CTNNA2: variants seen among roughly 807,000 people sequenced by gnomAD.
The protein encoded by CTNNA2 is catenin alpha-2.
CTNNA2 carries 42 observed loss-of-function variants against 101.0 expected under a neutral mutation model. That is an observed-to-expected ratio of 0.42 (90% confidence interval 0.32 to 0.54). The LOEUF (loss-of-function observed/expected upper bound fraction) is 0.54, where lower values mean the gene tolerates loss of function less well. CTNNA2 is among the 20% of genes least tolerant of loss of function. The pLI, the probability that CTNNA2 is intolerant of heterozygous loss-of-function variation, is 0.14. For missense variants in CTNNA2, 871 were observed against 1,223.1 expected (o/e 0.71, Z 4.29); for synonymous variants, 450 against 456.4 (o/e 0.99, Z 0.18).
At chr2:80,181,661 C>T (rs1168815301) in intron 7 of CTNNA2, among the ~76,000 whole-genome samples, 2 of 152,138 alleles carry the variant, frequency 1.3e-5, no homozygotes, top group South Asian at 2.1e-4. Flanking sequence ...TCATCATTTT[C>T]TTTCATCACT....
chr2:80,466,115 C>A (rs965658171), intron 9 of CTNNA2, among the ~76,000 whole-genome samples: 1 of 152,110 alleles, frequency 6.6e-6, no homozygotes, highest in Non-Finnish European at 1.5e-5. Context: ...TCCTCTGTAA[C>A]TTATATTGTA....
chr2:79,850,530 C>T (rs915699910), intron 3 of CTNNA2, among the ~76,000 whole-genome samples: 1 of 151,888 alleles, frequency 6.6e-6, no homozygotes, highest in Admixed American at 6.6e-5. Flanking sequence ...ACTCCTAATA[C>T]AGGTGCAGAC....
Position 80,033,023 on chromosome 2 carries a change from C to T in CTNNA2, c.1056+123226C>T, listed in dbSNP as rs578260107. Among the ~76,000 whole-genome samples the T allele has an allele frequency of 1.2e-4, 18 of 151,424 alleles. 1 individual carries two copies. Among genetic ancestry groups the T allele is most frequent in the Non-Finnish European group, 1.9e-4 (13 of 67,800 alleles). Reference sequence around the variant, plus strand: ...AAAATTAACTGGGCATGGTGGTGGGCGCCTGTAGTCCCAGATACTCAGGAG... The same window carrying T: ...AAAATTAACTGGGCATGGTGGTGGGTGCCTGTAGTCCCAGATACTCAGGAG... On this transcript the variant is annotated intron_variant, in intron 7 of 18. Coordinates refer to ENST00000402739, the MANE Select transcript of CTNNA2 (RefSeq NM_001282597.3).
intron 7 of CTNNA2, among the ~76,000 whole-genome samples, chr2:80,277,036 G>A (rs904018939): frequency 6.6e-6 from 1 of 152,130 alleles, no homozygotes; most frequent in Non-Finnish European, 1.5e-5. Context: ...AAAATTTGGA[G>A]GTTCTGACAA....
chr2:79,263,211 C>G (rs528394745), intron 2 of CTNNA2, among the ~76,000 whole-genome samples: 1 of 152,118 alleles, frequency 6.6e-6, no homozygotes, highest in South Asian at 2.1e-4. Context: ...AATCTCATGT[C>G]GAAATGTGAC....
intron 4 of CTNNA2, among the ~76,000 whole-genome samples, chr2:79,457,852 T>A (rs1670842399): frequency 1.3e-5 from 2 of 152,174 alleles, no homozygotes; most frequent in Non-Finnish European, 2.9e-5. Context: ...CTCCTTTTAC[T>A]CTCAACTAGC....
chr2:79,544,045 T>C (rs972065414), intron 1 of CTNNA2, among the ~76,000 whole-genome samples: 1 of 151,996 alleles, frequency 6.6e-6, no homozygotes, highest in Non-Finnish European at 1.5e-5. Flanking sequence ...TTCAAGAGAT[T>C]CTCTTGCCCA....
At chr2:80,630,162 T>C (rs1289965591) in intron 18 of CTNNA2, among the ~76,000 whole-genome samples, 1 of 152,196 alleles carries the variant, frequency 6.6e-6, no homozygotes, top group East Asian at 1.9e-4. Context: ...TATGTATTTC[T>C]ATTCCCAACG....
chr2:79,590,323 C>T (rs1676763471), intron 1 of CTNNA2, among the ~76,000 whole-genome samples: 1 of 152,042 alleles, frequency 6.6e-6, no homozygotes, highest in African/African-American at 2.4e-5. Flanking sequence ...GGGAATGAAA[C>T]AATTGTTATA....
intron 3 of CTNNA2, among the ~76,000 whole-genome samples, chr2:79,778,574 TA>T (rs1322913481): frequency 6.6e-6 from 1 of 152,108 alleles, no homozygotes; most frequent in Admixed American, 6.6e-5. Context: ...GCATAAAACA[TA>T]TACGTATATA....
chr2:79,428,609 CA>C (rs923165538), intron 4 of CTNNA2, among the ~76,000 whole-genome samples: 1 of 151,250 alleles, frequency 6.6e-6, no homozygotes, highest in South Asian at 2.1e-4. Context: ...AACAAAATAA[CA>C]AAAAAAAGAA....
At chr2:79,884,398 C>T (rs762474855) in intron 6 of CTNNA2, among the ~76,000 whole-genome samples, 9 of 152,124 alleles carry the variant, frequency 5.9e-5, no homozygotes, top group East Asian at 1.9e-4. Flanking sequence ...ATGCTAACCT[C>T]GGTTCCTCCC....
chr2:80,280,409 C>T (rs1053534578), intron 7 of CTNNA2, among the ~76,000 whole-genome samples: 6 of 151,500 alleles, frequency 4.0e-5, no homozygotes, highest in African/African-American at 1.5e-4. Context: ...ATAGGTAATA[C>T]AGCAAAAACA....
chr2:80,077,958 A>C (rs1698868889), intron 7 of CTNNA2, among the ~76,000 whole-genome samples: 2 of 152,198 alleles, frequency 1.3e-5, no homozygotes, highest in African/African-American at 2.4e-5. Flanking sequence ...AAACATAGTA[A>C]ATTTTTATGT....
chr2:80,434,368 G>A (rs7421761), intron 9 of CTNNA2, among the ~76,000 whole-genome samples: 20,840 of 152,052 alleles, frequency 0.14, 2,237 homozygotes, highest in East Asian at 0.58. Flanking sequence ...TATTCTGGTG[G>A]TGTACTTTTA....
intron 1 of CTNNA2, among the ~76,000 whole-genome samples, chr2:79,640,105 G>A (rs1275746341): frequency 1.3e-5 from 2 of 152,028 alleles, no homozygotes; most frequent in African/African-American, 2.4e-5. Context: ...CAAAACTTAG[G>A]TAAATCAAAT....
chr2:80,081,614 T>C (rs1370254756), intron 7 of CTNNA2, among the ~76,000 whole-genome samples: 1 of 151,940 alleles, frequency 6.6e-6, no homozygotes, highest in East Asian at 1.9e-4. Flanking sequence ...AAAAAATTGA[T>C]TTGGCCTGGA....
At chr2:80,125,103 G>A (rs566146906) in intron 7 of CTNNA2, among the ~76,000 whole-genome samples, 1 of 152,182 alleles carries the variant, frequency 6.6e-6, no homozygotes, top group Non-Finnish European at 1.5e-5. Flanking sequence ...CCAAATCTAG[G>A]TTTTGTCTGA....
At chr2:79,255,757 T>C (rs557284940) in intron 2 of CTNNA2, among the ~76,000 whole-genome samples, 1 of 152,324 alleles carries the variant, frequency 6.6e-6, no homozygotes, top group East Asian at 1.9e-4. Context: ...TAAATTCACC[T>C]TGTGTAGCTT....
Sources: allele counts gnomAD v4.1 joint callset (sites outside exome capture counted in the v4.1 genomes callset), GRCh38; gene constraint gnomAD v4.1.1; transcripts MANE v1.5; gene names NCBI Gene and HGNC (gene_info 2026-07-23, HGNC 2026-07-21).